Variants in EPHA6 observed in about 807,000 individuals in gnomAD.
EPHA6 encodes the protein EPH receptor A6, also known as ephrin type-A receptor 6.
In EPHA6, 50 loss-of-function variants were observed where a neutral mutation model predicts 112.0. The observed-to-expected ratio is 0.45, with a 90% CI of 0.36 to 0.56. The LOEUF (loss-of-function observed/expected upper bound fraction) is 0.56. Among genes scored for constraint, EPHA6 ranks in the 20% least tolerant of loss-of-function variants. The pLI is 0.00. For missense variants in EPHA6, 1,280 were observed against 1,417.4 expected (o/e 0.90, Z 1.56); for synonymous variants, 529 against 490.7 (o/e 1.08, Z -1.03).
chr3:97,356,895 A>G (rs575853389), intron 5 of EPHA6, among the ~76,000 whole-genome samples: 3 of 152,258 alleles, frequency 2.0e-5, no homozygotes, highest in Non-Finnish European at 2.9e-5. Flanking sequence ...GTCTCCAACT[A>G]GTATTGTACA....
chr3:96,944,082 G>T (rs1576123991), intron 2 of EPHA6, among the ~76,000 whole-genome samples: 1 of 151,884 alleles, frequency 6.6e-6, no homozygotes, highest in African/African-American at 2.4e-5. Flanking sequence ...TCTATATGTT[G>T]TCTCAGTTAA....
At chr3:97,333,047 G>A (rs927532814) in intron 5 of EPHA6, among the ~76,000 whole-genome samples, 2 of 151,990 alleles carry the variant, frequency 1.3e-5, no homozygotes, top group Middle Eastern at 3.4e-3. Context: ...TTAAATTGGG[G>A]AAAATTAACA....
intron 3 of EPHA6, among the ~76,000 whole-genome samples, chr3:97,084,607 C>A (rs1349024608): frequency 6.6e-6 from 1 of 152,128 alleles, no homozygotes; most frequent in African/African-American, 2.4e-5. Flanking sequence ...GCACCAATAA[C>A]ATTCAAGCTG....
chr3:97,506,532 T>C (rs560509336), intron 10 of EPHA6, among the ~76,000 whole-genome samples: 2 of 152,160 alleles, frequency 1.3e-5, no homozygotes, highest in Non-Finnish European at 2.9e-5. Flanking sequence ...TTCTCTTCAG[T>C]TGGTCTATAT....
At chr3:97,175,776 A>G (rs1334216478) in intron 3 of EPHA6, among the ~76,000 whole-genome samples, 3 of 151,772 alleles carry the variant, frequency 2.0e-5, no homozygotes, top group South Asian at 4.1e-4. Context: ...CACTTCTAAT[A>G]GTTTTCTTGT....
At chr3:96,994,007 G>T (rs1213102984) in intron 3 of EPHA6, among the ~76,000 whole-genome samples, 1 of 152,090 alleles carries the variant, frequency 6.6e-6, no homozygotes, top group East Asian at 1.9e-4. Context: ...TAAATAACTT[G>T]TTATGATATT....
chr3:97,386,035 C>A (rs1005310059), intron 5 of EPHA6, among the ~76,000 whole-genome samples: 2 of 152,258 alleles, frequency 1.3e-5, no homozygotes, highest in East Asian at 1.9e-4. Context: ...TCAAAAATTT[C>A]ATGTCCTTCT....
intron 2 of EPHA6, among the ~76,000 whole-genome samples, chr3:96,958,241 T>C (rs888368731): frequency 8.0e-5 from 12 of 150,926 alleles, no homozygotes; most frequent in African/African-American, 2.7e-4. Flanking sequence ...AGTGAGCCGG[T>C]ACCCCGCCAT....
At chr3:97,427,561 G>GAGGGCCAGGAAAAGTGACTAATGGGTACT (rs1414836358) in intron 6 of EPHA6, among the ~76,000 whole-genome samples, 1 of 151,070 alleles carries the variant, frequency 6.6e-6, no homozygotes, top group Non-Finnish European at 1.5e-5. Context: ...GGAGGAGGAA[G>GAGGGCCAGGAAAAGTGACTAATGGGTACT]AGGGCCAGGA....
intron 10 of EPHA6, among the ~76,000 whole-genome samples, 160 bp downstream of exon 10, chr3:97,484,219 T>C (rs1271021599): frequency 6.6e-6 from 1 of 152,204 alleles, no homozygotes; most frequent in Non-Finnish European, 1.5e-5. Context: ...TTAAGTATAT[T>C]TAGTGTCCAT....
intron 2 of EPHA6, among the ~76,000 whole-genome samples, chr3:96,975,671 G>T (rs1284433106): frequency 1.3e-5 from 2 of 152,082 alleles, no homozygotes; most frequent in Non-Finnish European, 2.9e-5. Context: ...AATCATTCTT[G>T]CTTAACCAAA....
chr3:97,587,018 G>A (rs529803236), intron 11 of EPHA6, among the ~76,000 whole-genome samples: 16 of 152,240 alleles, frequency 1.1e-4, no homozygotes, highest in Admixed American at 2.0e-4. Context: ...CGAGGTGGGC[G>A]GATCACCTGA....
At chr3:97,069,021 C>T (rs1362071264) in intron 3 of EPHA6, among the ~76,000 whole-genome samples, 3 of 152,122 alleles carry the variant, frequency 2.0e-5, no homozygotes, top group African/African-American at 4.8e-5. Context: ...CGCACACATA[C>T]GCACACACTT....
chr3:97,060,371 A>G (rs1000149867), intron 3 of EPHA6, among the ~76,000 whole-genome samples: 8 of 152,192 alleles, frequency 5.3e-5, no homozygotes, highest in African/African-American at 1.9e-4. Context: ...TACAGAATAT[A>G]TATACAGAAT....
intron 3 of EPHA6, among the ~76,000 whole-genome samples, chr3:97,044,725 A>G (rs927859983): frequency 2.6e-5 from 4 of 151,862 alleles, no homozygotes; most frequent in Non-Finnish European, 5.9e-5. Context: ...AAAAAAAAAA[A>G]TCTCTGGATT....
At chr3:97,281,610 A>G (rs575644424) in intron 5 of EPHA6, among the ~76,000 whole-genome samples, 1 of 152,286 alleles carries the variant, frequency 6.6e-6, no homozygotes, top group Admixed American at 6.5e-5. Flanking sequence ...TAACACAATG[A>G]AAATCACACA....
At chr3:97,646,117 A>T in intron 14 of EPHA6, 1 of 1,523,624 alleles carries the variant, frequency 6.6e-7, no homozygotes, top group Non-Finnish European at 8.7e-7. Flanking sequence ...TTGCCAATTC[A>T]GAGACCCACA....
At chr3:97,023,369 G>A (rs370770728) in intron 3 of EPHA6, among the ~76,000 whole-genome samples, 2 of 152,016 alleles carry the variant, frequency 1.3e-5, no homozygotes, top group African/African-American at 2.4e-5. Context: ...TTGAGCCACC[G>A]CTCTCGGCCC....
At chr3:97,641,589 C>T (rs553304465) in intron 14 of EPHA6, among the ~76,000 whole-genome samples, 3 of 152,314 alleles carry the variant, frequency 2.0e-5, no homozygotes, top group South Asian at 4.1e-4. Context: ...TGCAGCGCAC[C>T]ATGCGCGAGC....
Sources: allele counts gnomAD v4.1 joint callset (sites outside exome capture counted in the v4.1 genomes callset), GRCh38; gene constraint gnomAD v4.1.1; transcripts MANE v1.5; gene names NCBI Gene and HGNC (gene_info 2026-07-23, HGNC 2026-07-21).